The following LARP1 variants were observed in gnomAD, a reference collection of about 807,000 sequenced individuals.
LARP1 encodes the protein la-related protein 1.
In LARP1, 36 loss-of-function variants were observed where a neutral mutation model predicts 122.7. That is an observed-to-expected ratio of 0.29 (90% CI 0.22 to 0.39). The LOEUF is 0.39. Among genes scored for constraint, LARP1 ranks in the 10% least tolerant of loss-of-function variants. The pLI, the probability that LARP1 is intolerant of heterozygous loss-of-function variation, is 1.00. For missense variants in LARP1, 1,040 were observed against 1,403.6 expected (o/e 0.74, Z 4.14); for synonymous variants, 539 against 528.7 (o/e 1.02, Z -0.27).
chr5:154,801,501 G>C (rs1373847607), intron 10 of LARP1, among the ~76,000 whole-genome samples: 1 of 152,164 alleles, frequency 6.6e-6, no homozygotes, highest in African/African-American at 2.4e-5. Flanking sequence ...TTCATACAGA[G>C]CTTAGGACTA....
rs967134455 is a variant in LARP1, at chr5:154,792,487, C to T, written c.565-135C>T. ...AAACCATCTCAGGTGTGAAAATGAC[C>T]TTAGAATACATCCCATCCAGCCTGC... is the stretch of plus-strand genomic sequence containing the variant. On this transcript the variant is annotated intron_variant, in intron 3 of 18. Transcript: ENST00000518297. The T allele has an allele frequency of 3.8e-6, 3 of 798,218 alleles. No homozygotes were observed. In the African/African-American group the frequency reaches 5.2e-5, roughly 14 times the overall value. 49.4% of individuals were successfully genotyped at this position (798,218 alleles called of 1,614,324 possible).
chr5:154,708,755 G>A (rs1055284620), upstream of LARP1, among the ~76,000 whole-genome samples: 1 of 152,030 alleles, frequency 6.6e-6, no homozygotes. Context: ...GGGATTATAG[G>A]CATGCACCAC....
chr5:154,712,845 C>T, exon 1 of LARP1: 1 of 1,308,362 alleles, frequency 7.6e-7, no homozygotes, highest in South Asian at 1.2e-5. Flanking sequence ...GCTCCCGGGC[C>T]AGAGCCAGGA....
chr5:154,704,550 G>A (rs998532490), intron 1 of LARP1, among the ~76,000 whole-genome samples: 7 of 151,664 alleles, frequency 4.6e-5, no homozygotes, highest in African/African-American at 1.5e-4. Flanking sequence ...GGGAGGCTGA[G>A]GCATGAGAAT....
intron 1 of LARP1, among the ~76,000 whole-genome samples, chr5:154,767,273 G>C (rs1416149431): frequency 6.6e-6 from 1 of 152,196 alleles, no homozygotes; most frequent in Non-Finnish European, 1.5e-5. Flanking sequence ...TACTCAACTG[G>C]AGCCTGGCAC....
intron 1 of LARP1, among the ~76,000 whole-genome samples, chr5:154,737,802 G>C (rs1056694500): frequency 2.0e-5 from 3 of 151,774 alleles, no homozygotes; most frequent in Non-Finnish European, 4.4e-5. Context: ...TGATATTCCC[G>C]GTTCCCCGCC....
intron 18 of LARP1, among the ~76,000 whole-genome samples, chr5:154,812,316 C>T (rs1259654348): frequency 6.6e-6 from 1 of 152,140 alleles, no homozygotes; most frequent in African/African-American, 2.4e-5. Flanking sequence ...GTATTAGTCT[C>T]TTCTCACTCT....
At chr5:154,731,316 T>C (rs1426418785) in intron 1 of LARP1, among the ~76,000 whole-genome samples, 1 of 152,224 alleles carries the variant, frequency 6.6e-6, no homozygotes, top group Non-Finnish European at 1.5e-5. Flanking sequence ...CCAATAATTA[T>C]GTAATGACCA....
chr5:154,717,315 A>C (rs1755571934), intron 1 of LARP1, among the ~76,000 whole-genome samples: 1 of 152,032 alleles, frequency 6.6e-6, no homozygotes, highest in South Asian at 2.1e-4. Context: ...GCCTGGCCCC[A>C]CAAGCCTGTG....
At chr5:154,799,810 T>A in intron 9 of LARP1, 51 bp downstream of exon 9, 1 of 1,611,050 alleles carries the variant, frequency 6.2e-7, no homozygotes, top group Non-Finnish European at 8.5e-7. Flanking sequence ...GCAACAGTCC[T>A]CCTCAGGGCT....
chr5:154,769,541 A>C (rs944415461), intron 1 of LARP1, among the ~76,000 whole-genome samples: 1 of 152,116 alleles, frequency 6.6e-6, no homozygotes, highest in Admixed American at 6.5e-5. Context: ...AGTGAGTGTG[A>C]TGGAGAGATA....
intron 1 of LARP1, among the ~76,000 whole-genome samples, chr5:154,702,951 C>G (rs1754784208): frequency 6.6e-6 from 1 of 151,730 alleles, no homozygotes; most frequent in African/African-American, 2.4e-5. Context: ...AACCCCATCT[C>G]TACTATAAAT....
rs1759503098 is a variant in LARP1 at position 154,814,078 on chromosome 5, A to G, written c.3273A>G (p.Thr1091=). 6.2e-7 allele frequency: 1 copy of G among 1,614,000 alleles called. No homozygotes were observed. The highest frequency in any genetic ancestry group is 8.5e-7 in the Non-Finnish European group (1 of 1,179,972). ...AATGGACAAGCCAGCACTCGAACAC[A>G]CAGACTTTGGGAAAGTGAAAAGCTC... ...DAKWTSQHSN[T]QTLGK The change falls in exon 19 of 19, where the codon ACA becomes ACG. Residue 1091 remains threonine (T), a synonymous_variant. Transcript: ENST00000518297.
intron 1 of LARP1, among the ~76,000 whole-genome samples, chr5:154,696,974 A>G (rs544352885): frequency 6.6e-6 from 1 of 152,320 alleles, no homozygotes; most frequent in East Asian, 1.9e-4. Flanking sequence ...GCATTTTTAC[A>G]TAAGATAATG....
rs139300005 is a variant in LARP1 at position 154,713,120 on chromosome 5, C to G, written c.195C>G (p.Phe65Leu). ...TGCCATTCCCTGTCCTGGCCCCCTT[C>G]AGCAACCCTGGTGAGTCCTAGCACT... The change falls in exon 1 of 19, where the codon TTC becomes TTG. Residue 65 changes from phenylalanine (F) to leucine (L), a missense_variant. Phe to Leu is a conservative substitution (Grantham distance 22, BLOSUM62 0). Coordinates refer to the LARP1 transcript ENST00000336314. 1 of 1,613,412 alleles carries G rather than the reference C, an allele frequency of 6.2e-7. No individual in the cohort carries two copies. Among genetic ancestry groups the G allele is most frequent in the Non-Finnish European group, 8.5e-7 (1 of 1,179,934 alleles).
intron 18 of LARP1, among the ~76,000 whole-genome samples, chr5:154,812,025 T>G (rs1477650324): frequency 6.6e-6 from 1 of 152,206 alleles, no homozygotes; most frequent in Non-Finnish European, 1.5e-5. Context: ...TGCCCAGGTC[T>G]CTTATGTTCT....
chr5:154,763,884 C>T (rs1002076660), intron 1 of LARP1, among the ~76,000 whole-genome samples: 5 of 151,156 alleles, frequency 3.3e-5, no homozygotes, highest in Admixed American at 6.6e-5. Context: ...CATGGTGGTG[C>T]GTGCCTGTAA....
intron 1 of LARP1, among the ~76,000 whole-genome samples, chr5:154,687,990 G>A (rs1296629975): frequency 6.6e-6 from 1 of 152,166 alleles, no homozygotes; most frequent in Non-Finnish European, 1.5e-5. Flanking sequence ...GAGGCATCTG[G>A]AGATGCATGT....
intron 1 of LARP1, among the ~76,000 whole-genome samples, chr5:154,738,134 T>A (rs1395697032): frequency 6.6e-6 from 1 of 152,108 alleles, no homozygotes; most frequent in Non-Finnish European, 1.5e-5. Flanking sequence ...ACACAGTAGG[T>A]AAACCATGCG....
Sources: gnomAD v4.1 joint callset for allele counts (sites outside exome capture counted in the v4.1 genomes callset) on GRCh38, gnomAD v4.1.1 for gene constraint, MANE v1.5 for transcripts, NCBI Gene and HGNC (gene_info 2026-07-23, HGNC 2026-07-21) for gene names.